The following SGCZ variants were observed in gnomAD, a reference collection of about 807,000 sequenced individuals.
SGCZ encodes sarcoglycan zeta, also known as zeta-sarcoglycan.
A neutral mutation model predicts 41.3 loss-of-function variants in SGCZ; 40 were observed. That is an observed-to-expected ratio of 0.97 (90% CI 0.75 to 1.26). SGCZ has a LOEUF of 1.26. Ranked by LOEUF, SGCZ falls within the 50% of genes most tolerant of loss-of-function variation. The probability of loss-of-function intolerance (pLI) is 0.00; values close to 1 mark genes in which losing one functional copy is unlikely to be tolerated. For missense variants in SGCZ, 552 were observed against 369.8 expected, an observed-to-expected ratio of 1.49 and a Z score of -4.04; for synonymous variants, 206 against 137.5, an observed-to-expected ratio of 1.50 and a Z score of -3.49.
chr8:14,090,696 T>G, intron 7 of SGCZ, 59 bp from the exon 8 acceptor site: 6 of 1,426,580 alleles, frequency 4.2e-6, no homozygotes, highest in Non-Finnish European at 4.8e-6. Flanking sequence ...TCGAGTAATC[T>G]ACATCCCTCC....
chr8:14,248,211 T>C (rs922705229), intron 3 of SGCZ, among the ~76,000 whole-genome samples: 8 of 152,328 alleles, frequency 5.3e-5, no homozygotes, highest in African/African-American at 1.9e-4. Flanking sequence ...TCTCTTCTAA[T>C]AGAATGATAG....
At chr8:14,764,928 A>C (rs2130369288) in intron 1 of SGCZ, among the ~76,000 whole-genome samples, 1 of 152,328 alleles carries the variant, frequency 6.6e-6, no homozygotes, top group South Asian at 2.1e-4. Flanking sequence ...AACAACAGCA[A>C]ATGAGTCCAA....
intron 2 of SGCZ, among the ~76,000 whole-genome samples, chr8:14,532,720 G>A (rs1460124285): frequency 8.7e-6 from 1 of 115,458 alleles, no homozygotes; most frequent in African/African-American, 3.6e-5. Context: ...GTGGGGGGAG[G>A]GCGGGGGGGA....
intron 1 of SGCZ, among the ~76,000 whole-genome samples, chr8:15,101,673 G>A (rs576847868): frequency 2.0e-5 from 3 of 152,272 alleles, no homozygotes; most frequent in Non-Finnish European, 4.4e-5. Context: ...GCTCACGCAT[G>A]TAATCCCAGC....
At chr8:14,420,125 T>C (rs1421706517) in intron 2 of SGCZ, among the ~76,000 whole-genome samples, 3 of 152,102 alleles carry the variant, frequency 2.0e-5, no homozygotes, top group Admixed American at 6.6e-5. Flanking sequence ...TTAAACTGCA[T>C]TGAAGGGCTT....
rs987632930 is a variant in SGCZ at position 14,810,372 on chromosome 8, T to A, written c.40-255446A>T. Among the ~76,000 whole-genome samples, 19 of 152,128 alleles carry A rather than the reference T, an allele frequency of 1.2e-4. 3 individuals are homozygous for A. The highest frequency in any genetic ancestry group is 1.0e-3 in the Admixed American group (16 of 15,274). On this transcript the variant is annotated intron_variant, in intron 1 of 7. Transcript: ENST00000382080. ...ATATTCTATTTTCCTAATAGAAAAA[T>A]TCATATTAACATTTTTTAAGAAATG... is the stretch of plus-strand genomic sequence containing the variant.
chr8:14,854,840 C>G (rs1228021441), intron 1 of SGCZ, among the ~76,000 whole-genome samples: 3 of 151,854 alleles, frequency 2.0e-5, no homozygotes, highest in African/African-American at 7.3e-5. Flanking sequence ...GAGAGTGGCC[C>G]TCTTTAATCT....
chr8:15,189,324 AT>A (rs916047612), intron 1 of SGCZ, among the ~76,000 whole-genome samples: 1 of 152,176 alleles, frequency 6.6e-6, no homozygotes, highest in Non-Finnish European at 1.5e-5. Flanking sequence ...ATATATGTTT[AT>A]TGTACAAAAG....
intron 1 of SGCZ, among the ~76,000 whole-genome samples, chr8:14,797,645 G>C (rs918343398): frequency 6.6e-6 from 1 of 152,228 alleles, no homozygotes; most frequent in Non-Finnish European, 1.5e-5. Flanking sequence ...GGAGCTGAAT[G>C]TTATTCACCA....
intron 1 of SGCZ, among the ~76,000 whole-genome samples, chr8:15,149,576 T>G (rs1799122475): frequency 6.6e-6 from 1 of 152,178 alleles, no homozygotes; most frequent in East Asian, 1.9e-4. Context: ...GAATTTTCAA[T>G]GCAAGTTAAA....
chr8:14,560,751 T>C (rs1047721520), intron 1 of SGCZ, among the ~76,000 whole-genome samples: 4 of 152,100 alleles, frequency 2.6e-5, no homozygotes, highest in Admixed American at 2.6e-4. Flanking sequence ...AGCAATAAGA[T>C]TGAAATTTTT....
intron 1 of SGCZ, among the ~76,000 whole-genome samples, chr8:14,555,469 C>T (rs528665106): frequency 3.9e-5 from 6 of 152,108 alleles, no homozygotes; most frequent in Admixed American, 2.0e-4. Context: ...CCATATAAGA[C>T]GTGTCTGTTT....
At chr8:14,763,560 T>G (rs1412679411) in intron 1 of SGCZ, among the ~76,000 whole-genome samples, 1 of 152,114 alleles carries the variant, frequency 6.6e-6, no homozygotes, top group African/African-American at 2.4e-5. Context: ...TCTTTATTAT[T>G]CAAAAAATTT....
intron 1 of SGCZ, among the ~76,000 whole-genome samples, chr8:15,106,289 A>C (rs993416659): frequency 3.3e-5 from 5 of 152,110 alleles, no homozygotes; most frequent in African/African-American, 1.2e-4. Flanking sequence ...CAAAAGTGTC[A>C]CATGCATTTA....
chr8:14,549,138 G>A (rs1563402466), intron 2 of SGCZ, among the ~76,000 whole-genome samples: 1 of 150,986 alleles, frequency 6.6e-6, no homozygotes, highest in Non-Finnish European at 1.5e-5. Context: ...GCGACTTTAA[G>A]TAAAATTCAA....
At chr8:14,985,466 A>G (rs1801798424) in intron 1 of SGCZ, among the ~76,000 whole-genome samples, 1 of 152,202 alleles carries the variant, frequency 6.6e-6, no homozygotes, top group South Asian at 2.1e-4. Flanking sequence ...GAGGCAGAGC[A>G]AATGAGACTA....
chr8:14,330,305 T>A (rs546750997), intron 2 of SGCZ, among the ~76,000 whole-genome samples: 14 of 152,080 alleles, frequency 9.2e-5, no homozygotes, highest in Non-Finnish European at 1.9e-4. Flanking sequence ...GATTGTTGAA[T>A]TGAATAGAAT....
chr8:15,038,535 A>C (rs567439759), intron 1 of SGCZ, among the ~76,000 whole-genome samples: 1 of 152,002 alleles, frequency 6.6e-6, no homozygotes, highest in Non-Finnish European at 1.5e-5. Context: ...AATTTCTATA[A>C]CATTGGTCTG....
At chr8:14,709,083 A>G (rs1254332948) in intron 1 of SGCZ, among the ~76,000 whole-genome samples, 1 of 152,204 alleles carries the variant, frequency 6.6e-6, no homozygotes, top group Admixed American at 6.5e-5. Context: ...GAAGAAGAAT[A>G]AAAATTTGAA....
Sources: gnomAD v4.1 joint callset for allele counts (sites outside exome capture counted in the v4.1 genomes callset) on GRCh38, gnomAD v4.1.1 for gene constraint, MANE v1.5 for transcripts, NCBI Gene and HGNC (gene_info 2026-07-23, HGNC 2026-07-21) for gene names.